Variants in JAZF1 observed in about 807,000 individuals in gnomAD.
JAZF1 encodes juxtaposed with another zinc finger protein 1.
JAZF1 carries 8 observed loss-of-function variants against 26.4 expected under a neutral mutation model. The observed-to-expected ratio is 0.30, with a 90% CI of 0.18 to 0.55. The LOEUF is 0.55. Ranked by LOEUF, JAZF1 falls within the 20% of genes least tolerant of loss-of-function variation. The pLI is 0.94. For missense variants in JAZF1, 199 were observed against 322.0 expected, an observed-to-expected ratio of 0.62 and a Z score of 2.92; for synonymous variants, 126 against 122.3, an observed-to-expected ratio of 1.03 and a Z score of -0.20.
intron 2 of JAZF1, among the ~76,000 whole-genome samples, chr7:27,917,028 CG>C (rs1784453099): frequency 6.6e-6 from 1 of 152,138 alleles, no homozygotes; most frequent in Non-Finnish European, 1.5e-5. Context: ...TCCTTGAGCC[CG>C]GGAGCTGGAG....
chr7:28,020,573 G>C (rs1388466814), intron 1 of JAZF1: 3 of 471,064 alleles, frequency 6.4e-6, no homozygotes, highest in African/African-American at 6.0e-5. Context: ...GGCAGGCATG[G>C]ACATGCATAT....
intron 1 of JAZF1, among the ~76,000 whole-genome samples, chr7:28,088,667 C>T (rs186362921): frequency 6.6e-6 from 1 of 152,314 alleles, no homozygotes; most frequent in African/African-American, 2.4e-5. Context: ...GAAAAGGGGG[C>T]CTGTCTCCAT....
At chr7:28,168,268 G>A (rs1783398724) in intron 1 of JAZF1, among the ~76,000 whole-genome samples, 2 of 151,478 alleles carry the variant, frequency 1.3e-5, no homozygotes, top group Admixed American at 6.6e-5. Flanking sequence ...TGTAGTCCCA[G>A]CTACTCGGGA....
At chr7:27,896,842 C>T (rs1004658094) in intron 2 of JAZF1, among the ~76,000 whole-genome samples, 1 of 152,162 alleles carries the variant, frequency 6.6e-6, no homozygotes, top group African/African-American at 2.4e-5. Flanking sequence ...ATATGCTGAA[C>T]TGAGCTTAGT....
At chr7:27,873,105 A>G (rs1457780579) in intron 3 of JAZF1, among the ~76,000 whole-genome samples, 2 of 152,232 alleles carry the variant, frequency 1.3e-5, no homozygotes, top group African/African-American at 2.4e-5. Flanking sequence ...TATGCATGAC[A>G]GCACTGAAAA....
At chr7:28,052,071 A>G (rs1783627149) in intron 1 of JAZF1, among the ~76,000 whole-genome samples, 1 of 152,222 alleles carries the variant, frequency 6.6e-6, no homozygotes, top group East Asian at 1.9e-4. Flanking sequence ...TATACTCAAG[A>G]TCATTAATGA....
At chr7:27,835,197 G>A (rs1416846931) in intron 4 of JAZF1, among the ~76,000 whole-genome samples, 1 of 152,098 alleles carries the variant, frequency 6.6e-6, no homozygotes, top group East Asian at 1.9e-4. Flanking sequence ...ACCAAAAATA[G>A]AAAAGCATTA....
intron 1 of JAZF1, among the ~76,000 whole-genome samples, chr7:28,005,179 G>A (rs1414821511): frequency 6.6e-6 from 1 of 152,136 alleles, no homozygotes; most frequent in East Asian, 1.9e-4. Context: ...CACAGTATGT[G>A]CCTACAATTA....
chr7:28,140,513 C>A (rs1320176887), intron 1 of JAZF1, among the ~76,000 whole-genome samples: 2 of 152,122 alleles, frequency 1.3e-5, no homozygotes, highest in Admixed American at 1.3e-4. Flanking sequence ...AAACATAACA[C>A]CTGCCACCCC....
At chr7:27,872,076 T>C (rs1483786496) in intron 3 of JAZF1, among the ~76,000 whole-genome samples, 7 of 152,340 alleles carry the variant, frequency 4.6e-5, no homozygotes, top group Non-Finnish European at 1.5e-5. Context: ...GAAGTCATTC[T>C]GCATTCTCAC....
chr7:27,912,736 A>G (rs208), intron 2 of JAZF1, among the ~76,000 whole-genome samples: 144,821 of 152,190 alleles, frequency 0.95, 69,000 homozygotes, highest in East Asian at 1. Flanking sequence ...TATTTACAGA[A>G]CATGTGGCCC....
At chr7:27,947,222 CT>C (rs1481918225) in intron 2 of JAZF1, among the ~76,000 whole-genome samples, 1 of 152,166 alleles carries the variant, frequency 6.6e-6, no homozygotes, top group Non-Finnish European at 1.5e-5. Context: ...GTTTTTGTTC[CT>C]TTCTAGCAGA....
Position 28,110,636 on chromosome 7 carries a change from A to G in JAZF1, c.115+69827T>C, listed in dbSNP as rs866729616. Among the ~76,000 whole-genome samples the G allele has an allele frequency of 6.8e-3, 985 of 145,130 alleles. 26 individuals are homozygous for G. The highest frequency in any genetic ancestry group is 0.024 in the African/African-American group (935 of 38,882). On this transcript the variant is annotated intron_variant, in intron 1 of 4. Transcript: ENST00000283928. Reference sequence around the variant, plus strand: ...AAGGAAAAGGAAAGGAAAGGAAAGGAAAAGGAAAGGAAAGGAAAGGAAAAG... The same window carrying G: ...AAGGAAAAGGAAAGGAAAGGAAAGGGAAAGGAAAGGAAAGGAAAGGAAAAG...
chr7:28,179,135 T>G (rs1222735634), intron 1 of JAZF1, among the ~76,000 whole-genome samples: 1 of 152,192 alleles, frequency 6.6e-6, no homozygotes, highest in Non-Finnish European at 1.5e-5. Context: ...TGGCATTCAT[T>G]TGGACTTCCT....
intron 2 of JAZF1, among the ~76,000 whole-genome samples, chr7:27,988,372 T>TA (rs1785779927): frequency 6.7e-6 from 1 of 150,076 alleles, no homozygotes; most frequent in African/African-American, 2.5e-5. Context: ...GGTTAAATTG[T>TA]AAATTTTTTT....
intron 3 of JAZF1, among the ~76,000 whole-genome samples, chr7:27,893,166 C>T (rs758301572): frequency 3.3e-5 from 5 of 152,166 alleles, no homozygotes; most frequent in African/African-American, 1.2e-4. Context: ...CATATTAAAG[C>T]CCCGAATTAA....
intron 1 of JAZF1, among the ~76,000 whole-genome samples, chr7:28,010,907 T>C (rs1400291471): frequency 6.6e-6 from 1 of 152,208 alleles, no homozygotes; most frequent in Non-Finnish European, 1.5e-5. Context: ...TGAATTCCCA[T>C]TCTGGGGTGA....
At position 27,840,955 on chromosome 7, in the gene JAZF1, C is replaced by T. The variant is rs746235658; in HGVS notation, c.386-88G>A. 1.3e-5 allele frequency: 18 copies of T among 1,432,452 alleles called. No individual in the cohort carries two copies. The South Asian group carries it at 1.5e-4, about 12-fold the overall frequency. The allele number at this position is 1,432,452 out of a possible 1,614,324, so 88.7% of individuals were successfully genotyped here. On this transcript the variant is annotated intron_variant, in intron 3 of 4. Coordinates refer to ENST00000283928, the MANE Select transcript of JAZF1 (RefSeq NM_175061.4). The surrounding 1 kb of genome is among the most constrained non-coding windows in gnomAD (Gnocchi z 5.1). Reference sequence around the variant, plus strand: ...CCACTTCCAGGACAGGAGATGTGGCCGTGGCAGAGCAGCGCTGACGGCCCA... The same window carrying T: ...CCACTTCCAGGACAGGAGATGTGGCTGTGGCAGAGCAGCGCTGACGGCCCA...
intron 3 of JAZF1, among the ~76,000 whole-genome samples, chr7:27,880,016 T>TA (rs1783742377): frequency 6.6e-6 from 1 of 152,182 alleles, no homozygotes; most frequent in Non-Finnish European, 1.5e-5. Context: ...AGGAGGCTGT[T>TA]AGATGCTATT....
Sources: gnomAD v4.1 joint callset for allele counts (sites outside exome capture counted in the v4.1 genomes callset) on GRCh38, gnomAD v4.1.1 for gene constraint, Gnocchi (gnomAD v3.1) non-coding constraint, MANE v1.5 for transcripts, NCBI Gene and HGNC (gene_info 2026-07-23, HGNC 2026-07-21) for gene names.